NPAT: variants seen among roughly 807,000 people sequenced by gnomAD.
NPAT encodes protein NPAT.
A neutral mutation model predicts 130.7 loss-of-function variants in NPAT; 52 were observed. The ratio of observed to expected loss-of-function variants is 0.40; its 90% confidence interval spans 0.32 to 0.50. The LOEUF is 0.50. Among genes scored for constraint, NPAT ranks in the 20% least tolerant of loss-of-function variants. The pLI is 0.68. For synonymous variants in NPAT, 580 were observed against 584.8 expected, an observed-to-expected ratio of 0.99 and a Z score of 0.12; for missense variants, 1,687 against 1,662.6, an observed-to-expected ratio of 1.01 and a Z score of -0.26.
At chr11:108,206,737 T>C (rs879272533) in intron 1 of NPAT, among the ~76,000 whole-genome samples, 22 of 152,212 alleles carry the variant, frequency 1.4e-4, no homozygotes, top group Non-Finnish European at 3.1e-4. Context: ...GTCCCGCCTT[T>C]CAGTGGGTCC....
intron 1 of NPAT, among the ~76,000 whole-genome samples, chr11:108,207,177 T>A (rs576354391): frequency 5.3e-5 from 8 of 152,354 alleles, no homozygotes; most frequent in Non-Finnish European, 1.0e-4. Context: ...CAGCTGGTAG[T>A]CCCAACATCT....
rs370728726 is a variant in NPAT at position 108,185,545 on chromosome 11, A to G, written c.727-51T>C. On this transcript the variant is annotated intron_variant, in intron 8 of 17. Coordinates refer to ENST00000278612, the MANE Select transcript of NPAT (RefSeq NM_002519.3). ...AAAGGACAATAAAGAGTATTCTGCT[A>G]TTTAATATTTATAAGAAAAGAACAA... 5.5e-5 allele frequency: 64 copies of G among 1,155,532 alleles called. No individual in the cohort carries two copies. In the African/African-American group the frequency reaches 7.9e-4, roughly 14 times the overall value. The allele number at this position is 1,155,532 out of a possible 1,614,324, so 71.6% of individuals were successfully genotyped here. A position where few individuals can be genotyped will look rare whatever the true frequency, so the allele number is the denominator to read the frequency against.
intron 5 of NPAT, 127 bp downstream of exon 5, chr11:108,190,333 A>G (rs939279446): frequency 7.8e-5 from 49 of 625,324 alleles, no homozygotes; most frequent in Non-Finnish European, 1.2e-4. Context: ...AAAAAAAAAA[A>G]AAAAGAAAGA....
chr11:108,173,332 C>G lies in NPAT; in HGVS notation c.1652G>C (p.Cys551Ser), dbSNP rs1178316656. The G allele has an allele frequency of 3.7e-6, 6 of 1,612,882 alleles. No individual in the cohort carries two copies. Among genetic ancestry groups the G allele is most frequent in the Non-Finnish European group, 5.1e-6 (6 of 1,179,284 alleles). ...TGKPSKKSQFCENSNDTVKLK... is the reference protein window; with the variant it reads ...TGKPSKKSQFSENSNDTVKLK... ...TTTTACTGTATCATTAGAATTTTCA[C>G]AAAATTGACTTTTTTTAGATGGCTT... Residue 551 changes from cysteine (C) to serine (S), a missense_variant, in exon 13 of 18, where the codon TGT (cysteine) becomes TCT (serine). Physicochemically the swap from Cys to Ser is moderately radical, Grantham distance 112. This residue lies in a region of NPAT where 1,379 missense variants were observed against 1,346.6 expected (regional missense o/e 1.02). Transcript: ENST00000278612.
chr11:108,183,392 A>G (rs1455712247), intron 10 of NPAT, among the ~76,000 whole-genome samples: 1 of 152,220 alleles, frequency 6.6e-6, no homozygotes, highest in Non-Finnish European at 1.5e-5. Context: ...TCAGAATTCA[A>G]TTGAAAGAAA....
In NPAT at chr11:108,189,092, A is replaced by C. The variant is rs532606400; in HGVS notation, c.556+14T>G. 1 of 1,599,378 alleles carries C rather than the reference A, an allele frequency of 6.3e-7. No homozygotes were observed. Among genetic ancestry groups the C allele is most frequent in the Non-Finnish European group, 8.6e-7 (1 of 1,167,000 alleles). ...ATTAACAACAAAATTTAAGAGAACA[A>C]AATGTAAACTTACTGGTTACAGTAT... On this transcript the variant is annotated intron_variant, in intron 6 of 17. Transcript: ENST00000278612.
rs375590197 is a variant in NPAT at position 108,166,163 on chromosome 11, G to T, written c.3010+3581C>A. Among the ~76,000 whole-genome samples, 4 of 152,050 alleles carry T rather than the reference G, an allele frequency of 2.6e-5. No homozygotes were observed. In the South Asian group the frequency reaches 8.3e-4, roughly 32 times the overall value. ...AATCCCAGCACTTTGGGAGGCCGAG[G>T]TGGGGGGATTAAGAGGTCAGGAGTT... is the stretch of plus-strand genomic sequence containing the variant. On this transcript the variant is annotated intron_variant, in intron 15 of 17. Coordinates refer to ENST00000278612, the MANE Select transcript of NPAT (RefSeq NM_002519.3).
intron 17 of NPAT, 65 bp from the exon 18 acceptor site, chr11:108,159,084 C>T: frequency 1.0e-6 from 1 of 1,000,626 alleles, no homozygotes; most frequent in Non-Finnish European, 1.5e-6. Flanking sequence ...TAGTAAGTCA[C>T]CTAAAACAGT....
At chr11:108,177,625 G>A (rs934507271) in intron 10 of NPAT, among the ~76,000 whole-genome samples, 1 of 152,162 alleles carries the variant, frequency 6.6e-6, no homozygotes, top group East Asian at 1.9e-4. Context: ...ACTTCTTAGA[G>A]GTAAGAACTT....
chr11:108,194,562 C>G (rs954461777), intron 2 of NPAT, among the ~76,000 whole-genome samples: 2 of 152,204 alleles, frequency 1.3e-5, no homozygotes, highest in African/African-American at 4.8e-5. Flanking sequence ...ATGTTGCTTT[C>G]TATTGCTGAG....
chr11:108,222,578 A>G lies in NPAT; in HGVS notation c.-42T>C, dbSNP rs1276006048. 1 of 1,606,718 alleles carries G rather than the reference A, an allele frequency of 6.2e-7. No individual in the cohort carries two copies. On this transcript the variant is annotated 5_prime_UTR_variant, in exon 1 of 18. Coordinates refer to ENST00000278612, the MANE Select transcript of NPAT (RefSeq NM_002519.3). ...GGAACCACAATAAGGAACAAGACTC[A>G]GGTTAAAGCAAACACAGCGACAGCT...
chr11:108,184,276 C>T (rs1186038520), intron 10 of NPAT, among the ~76,000 whole-genome samples: 2 of 151,942 alleles, frequency 1.3e-5, no homozygotes, highest in African/African-American at 4.8e-5. Flanking sequence ...GGGAGACCAT[C>T]CTGGCTAACA....
Position 108,186,516 on chromosome 11 carries a change from T to G in NPAT, c.692A>C (p.Asn231Thr), listed in dbSNP as rs183625325. The G allele has an allele frequency of 2.0e-5, 32 of 1,614,092 alleles. No individual in the cohort carries two copies. In the East Asian group the frequency reaches 6.7e-4, roughly 34 times the overall value. The change falls in exon 8 of 18, where the codon AAT becomes ACT. Residue 231 changes from asparagine to threonine, a missense_variant. Physicochemically the swap from Asn to Thr is moderately conservative, Grantham distance 65. This residue lies in a region of NPAT where 307 missense variants were observed against 298.9 expected (regional missense o/e 1.03). Transcript: ENST00000278612. ...TGCAAAAGCGTTTGGATCTTGGAAA[T>G]TCCGTATTGTTGAATGAGGGCCAGA... The part of the protein sequence containing the change: ...TLSGPHSTIR[N>T]FQDPNAFAVE...
chr11:108,172,922 T>C lies in NPAT; in HGVS notation c.2062A>G (p.Thr688Ala), dbSNP rs757855443. The C allele has an allele frequency of 1.2e-6, 2 of 1,614,094 alleles. No individual in the cohort carries two copies. Among genetic ancestry groups the C allele is most frequent in the East Asian group, 4.5e-5 (2 of 44,872 alleles). Residue 688 changes from threonine (T) to alanine (A), a missense_variant, in exon 13 of 18, where the codon ACG (threonine) becomes GCG (alanine). Physicochemically the swap from Thr to Ala is moderately conservative, Grantham distance 58. Around this residue, in one of 3 missense-constraint regions of NPAT, gnomAD observed 1,379 missense variants for 1,346.6 expected, o/e 1.02. Coordinates refer to ENST00000278612, the MANE Select transcript of NPAT (RefSeq NM_002519.3). ...GNANCEKVAL[T>A]PPEGTPVENS... ...TCTACAGGAGTGCCTTCTGGAGGCG[T>C]CAGTGCAACTTTCTCACAGTTAGCA...
chr11:108,196,898 T>G (rs918583997), intron 2 of NPAT, among the ~76,000 whole-genome samples: 9 of 152,208 alleles, frequency 5.9e-5, no homozygotes, highest in African/African-American at 2.2e-4. Flanking sequence ...CTGGAAGGTA[T>G]CCACTATGTA....
In NPAT at chr11:108,170,052, A is replaced by G; in HGVS notation, c.2786-9T>C. 1 of 1,562,220 alleles carries G rather than the reference A, an allele frequency of 6.4e-7. No individual in the cohort carries two copies. The highest frequency in any genetic ancestry group is 1.4e-5 in the African/African-American group (1 of 74,046). Reference sequence around the variant, plus strand: ...AATTATTATGGCAGATCCTAAAAAAACAATTCTTGTTAAAAAAAGATTTTC... The same window carrying G: ...AATTATTATGGCAGATCCTAAAAAAGCAATTCTTGTTAAAAAAAGATTTTC... On this transcript the variant is annotated splice_polypyrimidine_tract_variant and intron_variant, in intron 13 of 17. Coordinates refer to ENST00000278612, the MANE Select transcript of NPAT (RefSeq NM_002519.3).
intron 15 of NPAT, among the ~76,000 whole-genome samples, chr11:108,166,194 C>T (rs2077901315): frequency 6.6e-6 from 1 of 152,068 alleles, no homozygotes; most frequent in South Asian, 2.1e-4. Context: ...GAGTTCAAGA[C>T]CAGCTTGGCC....
chr11:108,205,270 T>C (rs369512771), intron 1 of NPAT, among the ~76,000 whole-genome samples: 2 of 152,228 alleles, frequency 1.3e-5, no homozygotes, highest in East Asian at 3.8e-4. Context: ...AGAATTTTCT[T>C]TTCTTTTTGA....
chr11:108,200,689 C>T (rs1159411623), intron 1 of NPAT, among the ~76,000 whole-genome samples: 1 of 152,132 alleles, frequency 6.6e-6, no homozygotes, highest in African/African-American at 2.4e-5. Context: ...TCCTTAAACC[C>T]TGCAACAGCC....
Sources: allele counts gnomAD v4.1 joint callset (sites outside exome capture counted in the v4.1 genomes callset), GRCh38; gene constraint gnomAD v4.1.1; regional missense constraint gnomAD v4.1.1; transcripts MANE v1.5; gene names NCBI Gene and HGNC (gene_info 2026-07-23, HGNC 2026-07-21).